The following PCDHGA1 variants were observed in gnomAD, a reference collection of about 807,000 sequenced individuals.
PCDHGA1 encodes protocadherin gamma-A1.
In PCDHGA1, 32 loss-of-function variants were observed where a neutral mutation model predicts 58.0. The ratio of observed to expected loss-of-function variants is 0.55; its 90% confidence interval spans 0.42 to 0.74. PCDHGA1 has a LOEUF of 0.74. PCDHGA1 is among the 30% of genes least tolerant of loss of function. PCDHGA1 has a pLI of 0.00. For synonymous variants in PCDHGA1, 498 were observed against 501.1 expected (o/e 0.99, Z 0.08); for missense variants, 1,205 against 1,182.3 (o/e 1.02, Z -0.28).
chr5:141,420,722 A>T (rs1428516588), intron 1 of PCDHGA1, among the ~76,000 whole-genome samples: 4 of 152,226 alleles, frequency 2.6e-5, no homozygotes, highest in Admixed American at 6.5e-5. Flanking sequence ...CGTTCCTTTC[A>T]GTCGGTTAAA....
intron 3 of PCDHGA1, among the ~76,000 whole-genome samples, chr5:141,509,504 C>T (rs534951697): frequency 4.7e-4 from 72 of 152,246 alleles, no homozygotes; most frequent in Non-Finnish European, 8.4e-4. Flanking sequence ...CTGGATGTGA[C>T]GGTGTTGATG....
At chr5:141,366,528 C>T (rs777450935) in intron 1 of PCDHGA1, 3 of 1,614,208 alleles carry the variant, frequency 1.9e-6, no homozygotes, top group Non-Finnish European at 2.5e-6. Context: ...AGCAGGTTGG[C>T]GGGTGTGCCC....
At chr5:141,376,494 C>G (rs1343101587) in intron 1 of PCDHGA1, 12 of 1,614,004 alleles carry the variant, frequency 7.4e-6, no homozygotes, top group Non-Finnish European at 1.0e-5. Context: ...AAAGGAGAAC[C>G]CAGGCAACTT....
chr5:141,375,336 A>G, intron 1 of PCDHGA1: 1 of 1,613,828 alleles, frequency 6.2e-7, no homozygotes, highest in African/African-American at 1.3e-5. Context: ...GTATTCTTGT[A>G]CAACATCACT....
At chr5:141,400,903 T>C (rs1489476752) in intron 1 of PCDHGA1, among the ~76,000 whole-genome samples, 1 of 152,258 alleles carries the variant, frequency 6.6e-6, no homozygotes, top group Non-Finnish European at 1.5e-5. Flanking sequence ...TTAATTCATC[T>C]TTTAAAGCAA....
At chr5:141,433,361 A>G (rs1208326325) in intron 1 of PCDHGA1, 15 of 297,508 alleles carry the variant, frequency 5.0e-5, no homozygotes, top group Non-Finnish European at 7.0e-5. Context: ...CTGTCTGCCT[A>G]TCTATCTATC....
rs375953505 is a variant in PCDHGA1 at position 141,352,222 on chromosome 5, C to T, written c.2421+19117C>T. 3.1e-6 allele frequency: 5 copies of T among 1,614,090 alleles called. No individual in the cohort carries two copies. The East Asian group carries it at 1.1e-4, about 36-fold the overall frequency. On this transcript the variant is annotated intron_variant, in intron 1 of 3. Coordinates refer to ENST00000517417, the MANE Select transcript of PCDHGA1 (RefSeq NM_018912.3). ...GACAGCCGCCACTCTCCGCCACCGC[C>T]ACGCTGCACCTAATCTTCGCGGATA...
At chr5:141,384,337 G>C (rs370533196) in intron 1 of PCDHGA1, 2 of 1,613,832 alleles carry the variant, frequency 1.2e-6, no homozygotes, top group Non-Finnish European at 1.7e-6. Flanking sequence ...ACAGGACCAC[G>C]ACAGTGAGGA....
Position 141,487,928 on chromosome 5 carries a change from A to G in PCDHGA1, c.2422-6879A>G. Reference sequence around the variant, plus strand: ...GGGAGCACAGGAGGCTACAGTGCACAGGGTACAGTGCACCAGGCAGTCACT... The same window carrying G: ...GGGAGCACAGGAGGCTACAGTGCACGGGGTACAGTGCACCAGGCAGTCACT... On this transcript the variant is annotated intron_variant, in intron 1 of 3. Transcript: ENST00000517417. The surrounding 1 kb of genome is among the most constrained non-coding windows in gnomAD (Gnocchi z 5.0). The G allele has an allele frequency of 3.2e-6, 2 of 620,886 alleles. No homozygotes were observed. The highest frequency in any genetic ancestry group is 5.6e-6 in the Non-Finnish European group (2 of 355,916). The allele number at this position is 620,886 out of a possible 1,614,324, so 38.5% of individuals were successfully genotyped here. A position where few individuals can be genotyped will look rare whatever the true frequency, so the allele number is the denominator to read the frequency against.
chr5:141,400,656 A>G (rs72790034), intron 1 of PCDHGA1: 33,230 of 1,084,006 alleles, frequency 0.031, 658 homozygotes, highest in East Asian at 0.041. Context: ...CTGTCCTACC[A>G]TTCTTTAAGA....
intron 1 of PCDHGA1, chr5:141,364,483 C>T: frequency 1.9e-6 from 3 of 1,614,024 alleles, no homozygotes; most frequent in Non-Finnish European, 2.5e-6. Context: ...TAGCCAAGGA[C>T]CTTGGGCTGG....
chr5:141,441,764 C>A, intron 1 of PCDHGA1: 1 of 384,482 alleles, frequency 2.6e-6, no homozygotes, highest in South Asian at 2.1e-5. Flanking sequence ...TGAGCCTGCG[C>A]GTGTTGGTGG....
chr5:141,423,693 G>T lies in PCDHGA1; in HGVS notation c.2422-71114G>T, dbSNP rs114008539. On this transcript the variant is annotated intron_variant, in intron 1 of 3. Transcript: ENST00000517417. ...TTATTTCTCTGCCTCCTAATTGTTG[G>T]TGTCTTGGCACAAGTCTTTTAAGGA... 910 of 1,396,244 alleles carry T rather than the reference G, an allele frequency of 6.5e-4. 7 individuals carry two copies. The African/African-American group carries it at 0.012, about 18-fold the overall frequency. 86.5% of individuals were successfully genotyped at this position (1,396,244 alleles called of 1,614,324 possible).
intron 1 of PCDHGA1, chr5:141,395,295 T>G: frequency 1.3e-6 from 2 of 1,525,988 alleles, no homozygotes; most frequent in Middle Eastern, 1.8e-4. Flanking sequence ...TGGCATAAAT[T>G]ATGTTTTGAA....
At chr5:141,452,792 A>AT (rs745523252) in intron 1 of PCDHGA1, among the ~76,000 whole-genome samples, 15 of 152,178 alleles carry the variant, frequency 9.9e-5, no homozygotes, top group Admixed American at 2.0e-4. Context: ...ACATACCATC[A>AT]TTTTTGCTGT....
intron 2 of PCDHGA1, 102 bp from the exon 3 acceptor site, chr5:141,505,291 G>A (rs2154593677): frequency 1.3e-6 from 2 of 1,565,092 alleles, no homozygotes; most frequent in Non-Finnish European, 1.7e-6. Context: ...TGGGCATGGG[G>A]TAGGGTTAGG....
intron 1 of PCDHGA1, chr5:141,356,230 G>A (rs551700676): frequency 1.9e-5 from 31 of 1,592,426 alleles, no homozygotes; most frequent in Non-Finnish European, 2.5e-5. Context: ...AAATGACAAC[G>A]CACCAGAAGT....
chr5:141,361,748 G>T, intron 1 of PCDHGA1: 1 of 1,613,040 alleles, frequency 6.2e-7, no homozygotes, highest in Non-Finnish European at 8.5e-7. Flanking sequence ...CGCGACCAGG[G>T]CTCGCCCGCG....
rs535752252 is a variant in PCDHGA1 at position 141,341,298 on chromosome 5, C to A, written c.2421+8193C>A. 9 of 1,614,120 alleles carry A rather than the reference C, an allele frequency of 5.6e-6. No individual in the cohort carries two copies. The African/African-American group carries it at 1.1e-4, about 19-fold the overall frequency. Reference sequence around the variant, plus strand: ...CTGATTTTCCCCCAGCCCAACTATGCGGACACGCTCATCAGCCAGGAGAGC... The same window carrying A: ...CTGATTTTCCCCCAGCCCAACTATGAGGACACGCTCATCAGCCAGGAGAGC... On this transcript the variant is annotated intron_variant, in intron 1 of 3. Coordinates refer to ENST00000517417, the MANE Select transcript of PCDHGA1 (RefSeq NM_018912.3).
Sources: allele counts gnomAD v4.1 joint callset (sites outside exome capture counted in the v4.1 genomes callset), GRCh38; gene constraint gnomAD v4.1.1; non-coding constraint Gnocchi (gnomAD v3.1); transcripts MANE v1.5; gene names NCBI Gene and HGNC (gene_info 2026-07-23, HGNC 2026-07-21).